PDE3B: variants seen among roughly 807,000 people sequenced by gnomAD.
PDE3B encodes phosphodiesterase 3B, also known as cGMP-inhibited 3',5'-cyclic phosphodiesterase 3B.
A neutral mutation model predicts 116.8 loss-of-function variants in PDE3B; 66 were observed. The observed-to-expected ratio is 0.56, with a 90% CI of 0.46 to 0.69. PDE3B has a LOEUF of 0.69. Ranked by LOEUF, PDE3B falls within the 30% of genes least tolerant of loss-of-function variation. The pLI is 0.00. For synonymous variants in PDE3B, 595 were observed against 533.6 expected (o/e 1.12, Z -1.59); for missense variants, 1,384 against 1,368.1 (o/e 1.01, Z -0.18).
intron 14 of PDE3B, among the ~76,000 whole-genome samples, chr11:14,867,265 T>C (rs1277985644): frequency 1.3e-5 from 2 of 152,210 alleles, no homozygotes; most frequent in Non-Finnish European, 2.9e-5. Flanking sequence ...GATCTGTATG[T>C]TTCTTATTAA....
intron 1 of PDE3B, among the ~76,000 whole-genome samples, chr11:14,698,163 A>G (rs1316420506): frequency 6.6e-6 from 1 of 151,850 alleles, no homozygotes; most frequent in African/African-American, 2.4e-5. Context: ...TATTATTACT[A>G]TTATTTTTGG....
chr11:14,731,121 TA>T (rs1315252450), intron 1 of PDE3B, among the ~76,000 whole-genome samples: 1 of 152,194 alleles, frequency 6.6e-6, no homozygotes, highest in Non-Finnish European at 1.5e-5. Context: ...GTAATCATGT[TA>T]GATCAGTTTG....
intron 1 of PDE3B, chr11:14,674,423 G>A (rs1191926738): frequency 1.5e-6 from 1 of 645,770 alleles, no homozygotes; most frequent in Admixed American, 1.9e-5. Context: ...CCACTGTAAT[G>A]TATAAAGTAT....
At chr11:14,750,621 CTGAT>C (rs1449569843) in intron 1 of PDE3B, among the ~76,000 whole-genome samples, 3 of 151,544 alleles carry the variant, frequency 2.0e-5, no homozygotes, top group Non-Finnish European at 4.4e-5. Context: ...ATTTTATTGA[CTGAT>C]TGGTTTTCTC....
chr11:14,665,447 G>T (rs1449249154), intron 1 of PDE3B, among the ~76,000 whole-genome samples: 1 of 152,160 alleles, frequency 6.6e-6, no homozygotes, highest in Non-Finnish European at 1.5e-5. Context: ...GAAATAAAGG[G>T]TATTCAATTA....
intron 2 of PDE3B, among the ~76,000 whole-genome samples, chr11:14,781,892 TG>T (rs1289359187): frequency 1.3e-5 from 2 of 152,214 alleles, no homozygotes; most frequent in Non-Finnish European, 2.9e-5. Flanking sequence ...GCAGATGACA[TG>T]ATTGTATATC....
intron 2 of PDE3B, chr11:14,772,441 T>G (rs1411885522): frequency 6.5e-6 from 1 of 152,866 alleles, no homozygotes; most frequent in Non-Finnish European, 1.5e-5. Flanking sequence ...TTTATCAAAT[T>G]ATAACATACA....
Position 14,663,238 on chromosome 11 carries a change from C to T in PDE3B, c.978+18185C>T, listed in dbSNP as rs1277778392. On this transcript the variant is annotated intron_variant, in intron 1 of 15. Coordinates refer to ENST00000282096, the MANE Select transcript of PDE3B (RefSeq NM_000922.4). ...TCATAAGTGAAGGAGAAATAAAATA[C>T]TTTACAGACAAGCAAATGCTGAGAG... Among the ~76,000 whole-genome samples the T allele has an allele frequency of 2.3e-4, 35 of 152,054 alleles. 1 individual carries two copies. The highest frequency in any genetic ancestry group is 1.0e-4 in the Non-Finnish European group (7 of 68,002).
chr11:14,658,816 T>G (rs1853797944), intron 1 of PDE3B, among the ~76,000 whole-genome samples: 1 of 152,244 alleles, frequency 6.6e-6, no homozygotes. Flanking sequence ...CTATCATATT[T>G]GGGTTGATAG....
At chr11:14,828,773 A>C (rs1044165459) in intron 7 of PDE3B, among the ~76,000 whole-genome samples, 1 of 152,172 alleles carries the variant, frequency 6.6e-6, no homozygotes, top group South Asian at 2.1e-4. Context: ...AGACCTAAAA[A>C]TAGAAATACC....
chr11:14,774,275 A>G (rs1280266741), intron 2 of PDE3B: 1 of 152,190 alleles, frequency 6.6e-6, no homozygotes, highest in Non-Finnish European at 1.5e-5. Flanking sequence ...TAGCTGGAAA[A>G]TTAGGCAAGC....
At chr11:14,818,099 C>A in intron 5 of PDE3B, 84 bp from the exon 6 acceptor site, 3 of 904,316 alleles carry the variant, frequency 3.3e-6, no homozygotes, top group South Asian at 2.0e-5. Flanking sequence ...AGGAAAAAAT[C>A]CATAAAAACA....
the PDE3B span, among the ~76,000 whole-genome samples, chr11:14,889,372 T>G: frequency 2.6e-5 from 4 of 152,198 alleles, no homozygotes; most frequent in Admixed American, 2.0e-4. Context: ...ATCTCTAAGA[T>G]AATGGGAGAT....
chr11:14,846,695 C>A, intron 12 of PDE3B, among the ~76,000 whole-genome samples: 1 of 151,954 alleles, frequency 6.6e-6, no homozygotes, highest in Admixed American at 6.6e-5. Context: ...CAATTCTAGT[C>A]TCTGATAAAA....
intron 1 of PDE3B, among the ~76,000 whole-genome samples, chr11:14,740,967 T>G (rs563445990): frequency 1.1e-4 from 16 of 151,960 alleles, no homozygotes; most frequent in African/African-American, 3.6e-4. Flanking sequence ...CCTGAGAAAC[T>G]GTTTGTTATG....
At chr11:14,672,796 G>A (rs1244564142) in intron 1 of PDE3B, among the ~76,000 whole-genome samples, 4 of 152,066 alleles carry the variant, frequency 2.6e-5, no homozygotes, top group Admixed American at 2.6e-4. Flanking sequence ...AACAAGTGAG[G>A]TGAAAGTTGC....
intron 2 of PDE3B, among the ~76,000 whole-genome samples, chr11:14,780,408 G>T (rs899767024): frequency 1.2e-4 from 18 of 152,044 alleles, no homozygotes; most frequent in Non-Finnish European, 1.5e-5. Context: ...TGACCACATA[G>T]TTGGAAGTAA....
chr11:14,648,226 A>G (rs1853467258), intron 1 of PDE3B, among the ~76,000 whole-genome samples: 1 of 152,106 alleles, frequency 6.6e-6, no homozygotes, highest in Admixed American at 6.5e-5. Context: ...TTTGAAAGGC[A>G]TAAGTTAGTG....
intron 4 of PDE3B, among the ~76,000 whole-genome samples, chr11:14,797,417 T>C (rs1858591443): frequency 6.9e-6 from 1 of 144,940 alleles, no homozygotes; most frequent in Non-Finnish European, 1.5e-5. Flanking sequence ...ATGAGGGATC[T>C]TTTTTGGTTC....
Sources: allele counts gnomAD v4.1 joint callset (sites outside exome capture counted in the v4.1 genomes callset), GRCh38; gene constraint gnomAD v4.1.1; transcripts MANE v1.5; gene names NCBI Gene and HGNC (gene_info 2026-07-23, HGNC 2026-07-21).